The following TCF4 variants were observed in gnomAD, a reference collection of about 807,000 sequenced individuals.
The protein encoded by TCF4 is SL3-3 enhancer factor 2.
TCF4 carries 3 observed loss-of-function variants against 82.1 expected under a neutral mutation model. That is an observed-to-expected ratio of 0.04 (90% confidence interval 0.02 to 0.09). The LOEUF (loss-of-function observed/expected upper bound fraction) is 0.09. Among genes scored for constraint, TCF4 ranks in the 10% least tolerant of loss-of-function variants. The pLI is 1.00. For synonymous variants in TCF4, 276 were observed against 309.6 expected (o/e 0.89, Z 1.14); for missense variants, 518 against 852.7 (o/e 0.61, Z 4.89).
chr18:55,393,468 T>C (rs2093303949), intron 6 of TCF4, among the ~76,000 whole-genome samples: 1 of 152,226 alleles, frequency 6.6e-6, no homozygotes, highest in South Asian at 2.1e-4. Context: ...TATTACTTCC[T>C]ATTCTACCAT....
At chr18:55,251,079 T>C (rs2054921873) in intron 15 of TCF4, among the ~76,000 whole-genome samples, 1 of 152,162 alleles carries the variant, frequency 6.6e-6, no homozygotes, top group Admixed American at 6.5e-5. Flanking sequence ...GGGTGAATTC[T>C]GGTAATATGC....
intron 5 of TCF4, among the ~76,000 whole-genome samples, chr18:55,429,974 T>C (rs2095135475): frequency 2.0e-5 from 3 of 151,942 alleles, no homozygotes; most frequent in South Asian, 4.2e-4. Context: ...ACCTCTGTGA[T>C]TGGAATTCCT....
intron 3 of TCF4, among the ~76,000 whole-genome samples, chr18:55,503,244 T>C (rs75672413): frequency 1.1e-3 from 171 of 152,276 alleles, no homozygotes; most frequent in African/African-American, 3.6e-3. Flanking sequence ...ATATCAGAAA[T>C]AAAAACATTC....
chr18:55,434,699 T>C (rs1213576285), intron 5 of TCF4, among the ~76,000 whole-genome samples: 5 of 151,118 alleles, frequency 3.3e-5, no homozygotes, highest in Admixed American at 3.3e-4. Flanking sequence ...AGTGCTGGGA[T>C]TACAGGCGTG....
intron 6 of TCF4, among the ~76,000 whole-genome samples, chr18:55,374,394 G>GA (rs1330204888): frequency 6.7e-6 from 1 of 149,166 alleles, no homozygotes; most frequent in Non-Finnish European, 1.5e-5. Flanking sequence ...CAAGTGTAAG[G>GA]AAAAACAAGA....
chr18:55,255,496 T>C (rs1033875361), intron 14 of TCF4, among the ~76,000 whole-genome samples: 10 of 152,208 alleles, frequency 6.6e-5, no homozygotes, highest in Non-Finnish European at 2.9e-5. Flanking sequence ...ATTAGGATTC[T>C]AGTTTTTCAC....
chr18:55,532,534 T>C (rs1303625900), intron 3 of TCF4, among the ~76,000 whole-genome samples: 2 of 152,236 alleles, frequency 1.3e-5, no homozygotes, highest in Non-Finnish European at 2.9e-5. Flanking sequence ...TGATAAGTAC[T>C]GTCAAACCTA....
At chr18:55,239,038 G>A (rs2050394017) in intron 15 of TCF4, among the ~76,000 whole-genome samples, 1 of 152,154 alleles carries the variant, frequency 6.6e-6, no homozygotes, top group African/African-American at 2.4e-5. Flanking sequence ...GTACATGTAG[G>A]TGTAAATGTC....
At chr18:55,281,413 T>A (rs1033764074) in intron 8 of TCF4, among the ~76,000 whole-genome samples, 7 of 152,136 alleles carry the variant, frequency 4.6e-5, no homozygotes, top group Non-Finnish European at 8.8e-5. Flanking sequence ...ACGGAATGAT[T>A]GTAGTGTGAC....
intron 6 of TCF4, chr18:55,401,444 A>C: frequency 9.4e-7 from 1 of 1,065,282 alleles, no homozygotes; most frequent in Non-Finnish European, 1.1e-6. Context: ...AAGCATATGC[A>C]GTCATAGTGC....
At position 55,633,809 on chromosome 18, in the gene TCF4, GT is replaced by G. The variant is rs1368594767; in HGVS notation, c.195+1893del. On this transcript the variant is annotated intron_variant, in intron 1 of 20. Transcript: ENST00000398339. This position sits in a 1 kb window ranked among gnomAD's most constrained non-coding sequence, Gnocchi z 4.0. ...GCCCAAAGTAGGTCTGTGGGCTATA[GT>G]TTGTCAACCCTTGATATAGAGCATA... Among the ~76,000 whole-genome samples, 1 of 152,014 alleles carries G rather than the reference GT, an allele frequency of 6.6e-6. No homozygotes were observed. Among genetic ancestry groups the G allele is most frequent in the Non-Finnish European group, 1.5e-5 (1 of 68,016 alleles).
chr18:55,593,968 C>T (rs545750024), intron 2 of TCF4, among the ~76,000 whole-genome samples: 2 of 152,258 alleles, frequency 1.3e-5, no homozygotes, highest in South Asian at 4.1e-4. Flanking sequence ...GTTGATAAGT[C>T]AAATGGGTAT....
At chr18:55,276,754 C>T (rs749218133) in intron 9 of TCF4, among the ~76,000 whole-genome samples, 2 of 152,146 alleles carry the variant, frequency 1.3e-5, no homozygotes, top group Non-Finnish European at 2.9e-5. Flanking sequence ...GCAGATATTG[C>T]TTCCTTGAAA....
intron 5 of TCF4, among the ~76,000 whole-genome samples, chr18:55,439,657 T>TG (rs1206720991): frequency 6.6e-6 from 1 of 152,166 alleles, no homozygotes; most frequent in Non-Finnish European, 1.5e-5. Context: ...CTGGGCATAA[T>TG]GGGTAACTCG....
intron 6 of TCF4, among the ~76,000 whole-genome samples, chr18:55,371,553 C>T (rs573460135): frequency 2.0e-5 from 3 of 152,212 alleles, no homozygotes; most frequent in African/African-American, 2.4e-5. Flanking sequence ...TGTTCATTCA[C>T]TTATTTTTTT....
chr18:55,591,451 A>G (rs2097685213), upstream of TCF4, among the ~76,000 whole-genome samples: 1 of 152,218 alleles, frequency 6.6e-6, no homozygotes, highest in African/African-American at 2.4e-5. Flanking sequence ...AGATAATCCA[A>G]TAAAACCCCT....
chr18:55,308,153 C>A (rs935585727), intron 8 of TCF4, among the ~76,000 whole-genome samples: 6 of 152,136 alleles, frequency 3.9e-5, no homozygotes, highest in African/African-American at 1.4e-4. Context: ...TTAAGTGACA[C>A]AACTTTATAA....
At chr18:55,315,612 T>G (rs1471707287) in intron 8 of TCF4, among the ~76,000 whole-genome samples, 2 of 152,230 alleles carry the variant, frequency 1.3e-5, no homozygotes, top group Non-Finnish European at 2.9e-5. Context: ...AATTTCACCT[T>G]AAGTATTCTT....
intron 1 of TCF4, among the ~76,000 whole-genome samples, chr18:55,634,801 T>G (rs2097734719): frequency 6.6e-6 from 1 of 152,202 alleles, no homozygotes; most frequent in Admixed American, 6.5e-5. Flanking sequence ...TTGAAAGATG[T>G]TAATTACGTA....
Sources: allele counts gnomAD v4.1 joint callset (sites outside exome capture counted in the v4.1 genomes callset), GRCh38; gene constraint gnomAD v4.1.1; non-coding constraint Gnocchi (gnomAD v3.1); transcripts MANE v1.5; gene names NCBI Gene and HGNC (gene_info 2026-07-23, HGNC 2026-07-21).